SHC2: variants seen among roughly 807,000 people sequenced by gnomAD.
SHC2 encodes the protein SHC-transforming protein 2.
Under a neutral mutation model 60.6 loss-of-function variants are expected in SHC2, and 62 were observed. The observed-to-expected ratio is 1.02, with a 90% confidence interval of 0.83 to 1.26. SHC2 has a LOEUF of 1.26. Ranked by LOEUF, SHC2 falls within the 50% of genes most tolerant of loss-of-function variation. SHC2 has a pLI of 0.00. For synonymous variants in SHC2, 375 were observed against 372.4 expected, an observed-to-expected ratio of 1.01 and a Z score of -0.08; for missense variants, 873 against 822.2, an observed-to-expected ratio of 1.06 and a Z score of -0.76.
At position 460,714 on chromosome 19, in the gene SHC2, C is replaced by A. The variant is rs1301393834; in HGVS notation, c.283G>T (p.Ala95Ser). ...CCCGCGCCCCGACAGCGGCTGAGCG[C>A]GGGCAGGGGACAGGGCGCGGCGCAG... Reference protein sequence around the residue: ...PRCAAPCPLPALSRCRGAGSR... With the variant: ...PRCAAPCPLPSLSRCRGAGSR... Residue 95 changes from alanine (A) to serine (S), a missense_variant, in exon 1 of 13, where the codon GCG becomes TCG. Ala to Ser is a moderately conservative substitution (Grantham distance 99). Transcript: ENST00000264554. The A allele has an allele frequency of 4.0e-6, 4 of 998,688 alleles. No homozygotes were observed. Among genetic ancestry groups the A allele is most frequent in the Non-Finnish European group, 4.8e-6 (4 of 841,968 alleles). The allele number at this position is 998,688 out of a possible 1,614,324, so 61.9% of individuals were successfully genotyped here.
chr19:429,963 T>C (rs2145706804), intron 9 of SHC2, among the ~76,000 whole-genome samples: 1 of 144,318 alleles, frequency 6.9e-6, no homozygotes, highest in East Asian at 2.2e-4. Flanking sequence ...CCTAATACCA[T>C]GTGGATGACG....
In SHC2 at chr19:440,425, G is replaced by T. The variant is rs1974835561; in HGVS notation, c.539+437C>A. 6.6e-6 allele frequency among the ~76,000 whole-genome samples: 1 copy of T among 152,130 alleles called. No individual in the cohort carries two copies. Among genetic ancestry groups the T allele is most frequent in the Admixed American group, 6.5e-5 (1 of 15,272 alleles). ...CAACCAGTTTTCACAGAAAAAAAGGGTGTCGCTCTCTTCCCTGCTTAAGCC... is the reference window on the plus strand; with the variant it reads ...CAACCAGTTTTCACAGAAAAAAAGGTTGTCGCTCTCTTCCCTGCTTAAGCC... On this transcript the variant is annotated intron_variant, in intron 2 of 12. Coordinates refer to ENST00000264554, the MANE Select transcript of SHC2 (RefSeq NM_012435.3). The surrounding 1 kb of genome is among the most constrained non-coding windows in gnomAD (Gnocchi z 7.0).
chr19:460,030 A>T (rs1975501353), intron 1 of SHC2, among the ~76,000 whole-genome samples: 1 of 152,212 alleles, frequency 6.6e-6, no homozygotes, highest in African/African-American at 2.4e-5. Flanking sequence ...ACCCAAGGTA[A>T]ATAAACAAAG....
Position 422,510 on chromosome 19 carries a change from GC to G in SHC2, c.1310-55del. 8 of 1,410,302 alleles carry G rather than the reference GC, an allele frequency of 5.7e-6. No individual in the cohort carries two copies. The South Asian group carries it at 1.2e-4, about 21-fold the overall frequency. 87.4% of individuals were successfully genotyped at this position (1,410,302 alleles called of 1,614,324 possible). ...AGGCAGGGGGCAAGCAGCTACTCCT[GC>G]CGGGACCAGAGCTGGGAGAAACGGG... On this transcript the variant is annotated intron_variant, in intron 10 of 12. Coordinates refer to ENST00000264554, the MANE Select transcript of SHC2 (RefSeq NM_012435.3). This position sits in a 1 kb window ranked among gnomAD's most constrained non-coding sequence, Gnocchi z 5.0.
intron 9 of SHC2, among the ~76,000 whole-genome samples, chr19:427,125 T>G (rs1974435937): frequency 6.6e-6 from 1 of 151,680 alleles, no homozygotes; most frequent in South Asian, 2.1e-4. Flanking sequence ...ATGGCTCGAG[T>G]TTCTCTGACC....
rs138468870 is a variant in SHC2 at position 448,391 on chromosome 19, G to A, written c.469-7459C>T. Among the ~76,000 whole-genome samples, 598 of 152,242 alleles carry A rather than the reference G, an allele frequency of 3.9e-3. 2 individuals are homozygous for A. Among genetic ancestry groups the A allele is most frequent in the Non-Finnish European group, 6.1e-3 (416 of 68,024 alleles). ...CTTCCAGCTTCTGGGGGCTCCCGGCGTCCCGGGCTTGTGGCCGTGTTACTC... is the reference window on the plus strand; with the variant it reads ...CTTCCAGCTTCTGGGGGCTCCCGGCATCCCGGGCTTGTGGCCGTGTTACTC... On this transcript the variant is annotated intron_variant, in intron 1 of 12. Coordinates refer to ENST00000264554, the MANE Select transcript of SHC2 (RefSeq NM_012435.3).
At chr19:418,311 A>T (rs1467077396) in intron 12 of SHC2, among the ~76,000 whole-genome samples, 2 of 152,232 alleles carry the variant, frequency 1.3e-5, no homozygotes, top group East Asian at 1.9e-4. Context: ...CACAAAGACC[A>T]GGTGACGCCC....
In SHC2 at chr19:425,275, C is replaced by G; in HGVS notation, c.1175-44G>C. On this transcript the variant is annotated intron_variant, in intron 9 of 12. Transcript: ENST00000264554. This position sits in a 1 kb window ranked among gnomAD's most constrained non-coding sequence, Gnocchi z 4.1. Reference sequence around the variant, plus strand: ...GGCAGGGGGTCAGCTGGGAGCCAGGCGAGGGGCTCGCAGGGAGCAAGGCGG... The same window carrying G: ...GGCAGGGGGTCAGCTGGGAGCCAGGGGAGGGGCTCGCAGGGAGCAAGGCGG... The G allele has an allele frequency of 7.7e-7, 1 of 1,304,972 alleles. No individual in the cohort carries two copies. Among genetic ancestry groups the G allele is most frequent in the Non-Finnish European group, 9.8e-7 (1 of 1,019,536 alleles). The allele number at this position is 1,304,972 out of a possible 1,614,324, so 80.8% of individuals were successfully genotyped here. A position where few individuals can be genotyped will look rare whatever the true frequency, so the allele number is the denominator to read the frequency against.
At chr19:444,850 C>T (rs1353058585) in intron 1 of SHC2, among the ~76,000 whole-genome samples, 1 of 152,232 alleles carries the variant, frequency 6.6e-6, no homozygotes, top group Non-Finnish European at 1.5e-5. Context: ...ACACTGTGCA[C>T]GTGGTCTGTT....
At chr19:454,840 C>T (rs576822907) in intron 1 of SHC2, among the ~76,000 whole-genome samples, 3 of 152,012 alleles carry the variant, frequency 2.0e-5, no homozygotes, top group South Asian at 2.1e-4. Flanking sequence ...GCCTGAGGGC[C>T]GGAAGCCCGT....
chr19:452,901 T>C (rs935826699), intron 1 of SHC2, among the ~76,000 whole-genome samples: 3 of 152,176 alleles, frequency 2.0e-5, no homozygotes, highest in Admixed American at 2.0e-4. Context: ...CGCTGGTCTT[T>C]AAGCCAGTTT....
rs1457486687 is a variant in SHC2, at chr19:460,820, G to T, written c.177C>A (p.Gly59=). Residue 59 remains glycine (G), a synonymous_variant, in exon 1 of 13, where the codon GGC becomes GGA. Coordinates refer to ENST00000264554, the MANE Select transcript of SHC2 (RefSeq NM_012435.3). ...CCGCCGGCTCGGGTTGGGGGTCCGC[G>T]CCCCCCGAGGCCCCAGCCGCCCGCG... ...AAARAAGASG[G]ADPQPEPAGP... The T allele has an allele frequency of 2.0e-6, 2 of 980,164 alleles. No homozygotes were observed. The highest frequency in any genetic ancestry group is 4.6e-5 in the South Asian group (1 of 21,954). 60.7% of individuals were successfully genotyped at this position (980,164 alleles called of 1,614,324 possible). A position where few individuals can be genotyped will look rare whatever the true frequency, so the allele number is the denominator to read the frequency against.
At chr19:433,402 TTCA>T (rs1376224210) in intron 8 of SHC2, among the ~76,000 whole-genome samples, 18 of 10,892 alleles carry the variant, frequency 1.7e-3, no homozygotes, top group Non-Finnish European at 2.6e-3. Context: ...TAGATGGCGC[TTCA>T]TCGTGAGTGA....
intron 8 of SHC2, among the ~76,000 whole-genome samples, chr19:431,443 C>A (rs1474289962): frequency 1.3e-5 from 1 of 75,544 alleles, no homozygotes; most frequent in Non-Finnish European, 2.4e-5. Flanking sequence ...GGGCAGATGG[C>A]GCTTCATCGT....
Position 451,197 on chromosome 19 carries a change from A to C in SHC2, c.468+9332T>G, listed in dbSNP as rs191069696. Among the ~76,000 whole-genome samples, 345 of 129,074 alleles carry C rather than the reference A, an allele frequency of 2.7e-3. 4 individuals carry two copies. Among genetic ancestry groups the C allele is most frequent in the African/African-American group, 9.4e-3 (335 of 35,516 alleles). 84.7% of individuals were successfully genotyped at this position (129,074 alleles called of 152,430 possible). A position where few individuals can be genotyped will look rare whatever the true frequency, so the allele number is the denominator to read the frequency against. The stretch of plus-strand genomic sequence containing the variant: ...TGGATGGCCATACCATAGCCACGTC[A>C]TATTTCAGCGTGTGGATGGCCACGC... On this transcript the variant is annotated intron_variant, in intron 1 of 12. Coordinates refer to ENST00000264554, the MANE Select transcript of SHC2 (RefSeq NM_012435.3).
At chr19:455,812 G>A (rs568572085) in intron 1 of SHC2, among the ~76,000 whole-genome samples, 51 of 152,186 alleles carry the variant, frequency 3.4e-4, no homozygotes, top group African/African-American at 1.1e-3. Flanking sequence ...CAGCCACAGC[G>A]CAGCCTCTTC....
Position 417,151 on chromosome 19 carries a change from C to T in SHC2, c.*177G>A, listed in dbSNP as rs1974170963. On this transcript the variant is annotated 3_prime_UTR_variant, in exon 13 of 13. Coordinates refer to ENST00000264554, the MANE Select transcript of SHC2 (RefSeq NM_012435.3). ...GGGCCCCGGCAGGAGGAGGCTCTGCCCAGCCCGGGGCCAGCTGGAGGAAGG... is the reference window on the plus strand; with the variant it reads ...GGGCCCCGGCAGGAGGAGGCTCTGCTCAGCCCGGGGCCAGCTGGAGGAAGG... 1 of 152,836 alleles carries T rather than the reference C, an allele frequency of 6.5e-6. No homozygotes were observed. Among genetic ancestry groups the T allele is most frequent in the African/African-American group, 2.4e-5 (1 of 41,460 alleles). The allele number at this position is 152,836 out of a possible 1,614,324, so 9.5% of individuals were successfully genotyped here.
At chr19:423,732 A>G (rs1393258062) in intron 10 of SHC2, among the ~76,000 whole-genome samples, 1 of 152,210 alleles carries the variant, frequency 6.6e-6, no homozygotes, top group Non-Finnish European at 1.5e-5. Flanking sequence ...GCCAGTCAGC[A>G]TGTTCACCTC....
chr19:440,222 C>T lies in SHC2; in HGVS notation c.539+640G>A, dbSNP rs552442603. ...GTGGGTGCCGGGGCTGGGGAGGGGA[C>T]GGGGAGTGGCTGTGATGGGGACGGG... On this transcript the variant is annotated intron_variant, in intron 2 of 12. Coordinates refer to ENST00000264554, the MANE Select transcript of SHC2 (RefSeq NM_012435.3). This position sits in a 1 kb window ranked among gnomAD's most constrained non-coding sequence, Gnocchi z 7.0. 1.3e-4 allele frequency among the ~76,000 whole-genome samples: 20 copies of T among 149,068 alleles called. No homozygotes were observed. Among genetic ancestry groups the T allele is most frequent in the Non-Finnish European group, 2.4e-4 (16 of 67,280 alleles).
Sources: allele counts gnomAD v4.1 joint callset (sites outside exome capture counted in the v4.1 genomes callset), GRCh38; gene constraint gnomAD v4.1.1; non-coding constraint Gnocchi (gnomAD v3.1); transcripts MANE v1.5; gene names NCBI Gene and HGNC (gene_info 2026-07-23, HGNC 2026-07-21).